PARD3: variants seen among roughly 807,000 people sequenced by gnomAD.
The protein encoded by PARD3 is partitioning defective 3 homolog.
A neutral mutation model predicts 155.4 loss-of-function variants in PARD3; 75 were observed. The observed-to-expected ratio is 0.48, with a 90% confidence interval of 0.40 to 0.58. PARD3 has a LOEUF of 0.58. PARD3 is among the 20% of genes least tolerant of loss of function. The pLI, the probability that PARD3 is intolerant of heterozygous loss-of-function variation, is 0.00. For synonymous variants in PARD3, 576 were observed against 610.5 expected (o/e 0.94, Z 0.83); for missense variants, 1,642 against 1,721.7 (o/e 0.95, Z 0.82).
In PARD3 at chr10:34,765,671, C is replaced by CAA. The variant is rs112970917; in HGVS notation, c.120+49203_120+49204dup. 1.0e-2 allele frequency among the ~76,000 whole-genome samples: 1,358 copies of CAA among 136,082 alleles called. 17 individuals carry two copies. The highest frequency in any genetic ancestry group is 0.033 in the African/African-American group (1,213 of 36,858). The allele number at this position is 136,082 out of a possible 152,430, so 89.3% of individuals were successfully genotyped here. A position where few individuals can be genotyped will look rare whatever the true frequency, so the allele number is the denominator to read the frequency against. On this transcript the variant is annotated intron_variant, in intron 1 of 24. Transcript: ENST00000374788. ...CCAGCCTGGGCAACAGAGTAAGACT[C>CAA]AAAAAAAAAAAAAGATTTGGGCTTC... is the stretch of plus-strand genomic sequence containing the variant.
At chr10:34,575,029 G>A (rs558786611) in intron 2 of PARD3, among the ~76,000 whole-genome samples, 12 of 152,102 alleles carry the variant, frequency 7.9e-5, no homozygotes, top group South Asian at 4.2e-4. Flanking sequence ...GTCCTACTCC[G>A]TCACCCAGGC....
At position 34,331,136 on chromosome 10, in the gene PARD3, A is replaced by G; in HGVS notation, c.2814T>C (p.Asp938=). The G allele has an allele frequency of 6.2e-7, 1 of 1,613,490 alleles. No homozygotes were observed. Among genetic ancestry groups the G allele is most frequent in the Non-Finnish European group, 8.5e-7 (1 of 1,179,488 alleles). ...ACTTACAGGTCTCCATGCCTTCATC[A>G]TCATCATCTACCGCGGGTTTATCAT... The part of the protein sequence containing the change: ...KSYDKPAVDD[D]DEGMETLEED... Residue 938 remains aspartate, a synonymous_variant, in exon 19 of 25, where the codon GAT becomes GAC. Transcript: ENST00000374788.
At chr10:34,242,103 T>A (rs544333519) in intron 22 of PARD3, among the ~76,000 whole-genome samples, 17 of 152,304 alleles carry the variant, frequency 1.1e-4, no homozygotes, top group African/African-American at 4.1e-4. Context: ...ATCATATACA[T>A]CTTCGCATTT....
intron 22 of PARD3, among the ~76,000 whole-genome samples, chr10:34,212,802 T>C (rs994087341): frequency 6.6e-6 from 1 of 152,138 alleles, no homozygotes; most frequent in African/African-American, 2.4e-5. Flanking sequence ...AAGAAACTCA[T>C]GATTAAAAAC....
intron 5 of PARD3, among the ~76,000 whole-genome samples, chr10:34,447,411 G>A (rs554534344): frequency 1.6e-4 from 23 of 141,732 alleles, no homozygotes; most frequent in African/African-American, 5.8e-4. Context: ...AACCCAGGAG[G>A]TAGAAGCTGC....
At chr10:34,440,607 C>T (rs1359005668) in intron 5 of PARD3, among the ~76,000 whole-genome samples, 1 of 152,106 alleles carries the variant, frequency 6.6e-6, no homozygotes, top group East Asian at 1.9e-4. Flanking sequence ...AAGGTTAATC[C>T]ACACACCACC....
intron 2 of PARD3, among the ~76,000 whole-genome samples, chr10:34,607,727 C>T (rs569073274): frequency 7.9e-5 from 12 of 152,104 alleles, no homozygotes; most frequent in East Asian, 7.7e-4. Context: ...GAAGGACCAA[C>T]GAAAACTTTA....
chr10:34,439,862 T>C (rs756575708), intron 5 of PARD3, among the ~76,000 whole-genome samples: 1 of 152,172 alleles, frequency 6.6e-6, no homozygotes, highest in Non-Finnish European at 1.5e-5. Context: ...TCTTTATAAT[T>C]TGTTCAGCTA....
At chr10:34,437,714 C>G (rs773276112) in intron 5 of PARD3, among the ~76,000 whole-genome samples, 1 of 152,006 alleles carries the variant, frequency 6.6e-6, no homozygotes, top group East Asian at 1.9e-4. Flanking sequence ...AAGTAAAATA[C>G]GTAATATTTT....
chr10:34,674,478 ATTTTTTTTTT>A (rs11402018), intron 2 of PARD3, among the ~76,000 whole-genome samples: 3 of 79,528 alleles, frequency 3.8e-5, no homozygotes, highest in African/African-American at 5.1e-5. Flanking sequence ...CACGCTCTTG[ATTTTTTTTTT>A]TTTTTTTTTT....
rs143633877 is a variant in PARD3 at position 34,430,200 on chromosome 10, T to A, written c.714+20117A>T. Among the ~76,000 whole-genome samples the A allele has an allele frequency of 9.8e-5, 15 of 152,356 alleles. No individual in the cohort carries two copies. The East Asian group carries it at 2.9e-3, about 29-fold the overall frequency. ...CTATATGGTATTTTTTCTTTTGTTA[T>A]CAAAGGATTTTAACCATATGTATGA... On this transcript the variant is annotated intron_variant, in intron 5 of 24. Transcript: ENST00000374788.
At chr10:34,569,737 T>C (rs2086237916) in intron 2 of PARD3, among the ~76,000 whole-genome samples, 1 of 152,006 alleles carries the variant, frequency 6.6e-6, no homozygotes, top group African/African-American at 2.4e-5. Flanking sequence ...ACTAATTTTA[T>C]TAAAAAGTGG....
At chr10:34,478,565 C>T (rs902608793) in intron 3 of PARD3, among the ~76,000 whole-genome samples, 8 of 152,136 alleles carry the variant, frequency 5.3e-5, no homozygotes, top group South Asian at 2.1e-4. Flanking sequence ...TCTTTCGAGA[C>T]GGAGTTTCAC....
At chr10:34,339,994 A>G (rs1836628154) in intron 16 of PARD3, among the ~76,000 whole-genome samples, 1 of 152,152 alleles carries the variant, frequency 6.6e-6, no homozygotes, top group Non-Finnish European at 1.5e-5. Context: ...TAGCATTTTC[A>G]TCAAGGATTA....
At chr10:34,159,580 G>GT (rs1371717379) in intron 22 of PARD3, among the ~76,000 whole-genome samples, 1 of 152,194 alleles carries the variant, frequency 6.6e-6, no homozygotes, top group Non-Finnish European at 1.5e-5. Flanking sequence ...TAGGCAACTA[G>GT]TAAGTCCTGA....
intron 2 of PARD3, among the ~76,000 whole-genome samples, chr10:34,640,275 A>C (rs545217033): frequency 1.3e-5 from 2 of 152,298 alleles, no homozygotes; most frequent in Admixed American, 1.3e-4. Context: ...TCTTTAAAAG[A>C]TTCTAATACT....
chr10:34,255,473 G>T (rs954693099), intron 22 of PARD3, among the ~76,000 whole-genome samples: 1 of 152,176 alleles, frequency 6.6e-6, no homozygotes, highest in Non-Finnish European at 1.5e-5. Context: ...TACAGGTTCA[G>T]TGTATTATAT....
At chr10:34,225,690 C>A (rs1032723199) in intron 22 of PARD3, among the ~76,000 whole-genome samples, 2 of 152,046 alleles carry the variant, frequency 1.3e-5, no homozygotes, top group African/African-American at 4.8e-5. Context: ...CACATGCGAG[C>A]AAGATAACTT....
intron 1 of PARD3, among the ~76,000 whole-genome samples, chr10:34,721,783 T>C (rs11009889): frequency 0.28 from 42,267 of 152,210 alleles, 7,216 homozygotes; most frequent in Non-Finnish European, 0.38. Context: ...ATCTGAGTTA[T>C]GTGAAAAATA....
Sources: allele counts gnomAD v4.1 joint callset (sites outside exome capture counted in the v4.1 genomes callset), GRCh38; gene constraint gnomAD v4.1.1; transcripts MANE v1.5; gene names NCBI Gene and HGNC (gene_info 2026-07-23, HGNC 2026-07-21).